Variants in CLOCK observed in about 807,000 individuals in gnomAD.
CLOCK encodes the protein clock circadian regulator.
CLOCK carries 43 observed loss-of-function variants against 118.4 expected under a neutral mutation model. That is an observed-to-expected ratio of 0.36 (90% CI 0.28 to 0.47). The LOEUF is 0.47. Ranked by LOEUF, CLOCK falls within the 20% of genes least tolerant of loss-of-function variation. The pLI is 1.00. For missense variants in CLOCK, 846 were observed against 999.9 expected (o/e 0.85, Z 2.08); for synonymous variants, 326 against 339.2 (o/e 0.96, Z 0.43).
intron 2 of CLOCK, among the ~76,000 whole-genome samples, chr4:55,490,631 C>T (rs940476739): frequency 1.1e-4 from 17 of 152,074 alleles, no homozygotes; most frequent in African/African-American, 4.1e-4. Context: ...AACCTATGTG[C>T]CTCCTCCCCT....
At chr4:55,467,048 T>C (rs1002873469) in intron 8 of CLOCK, among the ~76,000 whole-genome samples, 2 of 152,150 alleles carry the variant, frequency 1.3e-5, no homozygotes, top group Non-Finnish European at 2.9e-5. Flanking sequence ...CACATGGGAA[T>C]TCTCTGTACT....
chr4:55,545,872 A>G (rs1049060748), intron 1 of CLOCK: 2 of 152,282 alleles, frequency 1.3e-5, no homozygotes, highest in African/African-American at 4.8e-5. Context: ...TGGACGGAAG[A>G]AGAGAAACCG....
intron 18 of CLOCK, among the ~76,000 whole-genome samples, chr4:55,446,453 C>T (rs1723859217): frequency 6.6e-6 from 1 of 152,090 alleles, no homozygotes; most frequent in African/African-American, 2.4e-5. Flanking sequence ...CCCTAGAATG[C>T]CCTCTATGTG....
Position 55,443,809 on chromosome 4 carries a change from G to A in CLOCK, c.1780C>T (p.Pro594Ser). ...GNSSNIQQLA[P>S]INMQGQVVPT... ...ACAACTTGGCCTTGCATATTTATAG[G>A]TGCAAGTTGCTGGATATTAGATGAA... Residue 594 changes from proline to serine, a missense_variant, in exon 20 of 23, where the codon CCT becomes TCT. Physicochemically the swap from Pro to Ser is moderately conservative, Grantham distance 74 (BLOSUM62 -1). Coordinates refer to ENST00000513440, the MANE Select transcript of CLOCK (RefSeq NM_004898.4). 2.5e-6 allele frequency: 4 copies of A among 1,613,948 alleles called. No individual in the cohort carries two copies. Among genetic ancestry groups the A allele is most frequent in the Non-Finnish European group, 2.5e-6 (3 of 1,179,884 alleles).
intron 15 of CLOCK, 138 bp from the exon 16 acceptor site, chr4:55,450,370 A>G (rs962966035): frequency 1.0e-5 from 9 of 898,474 alleles, no homozygotes; most frequent in African/African-American, 6.7e-5. Context: ...ATACACATGT[A>G]AAGAAATGAA....
intron 9 of CLOCK, among the ~76,000 whole-genome samples, chr4:55,461,384 T>C (rs1560432423): frequency 6.6e-6 from 1 of 152,174 alleles, no homozygotes; most frequent in Non-Finnish European, 1.5e-5. Flanking sequence ...CTGCTCTTTC[T>C]AGGCCAGAGA....
chr4:55,458,487 C>A (rs917442831), intron 11 of CLOCK, among the ~76,000 whole-genome samples: 4 of 152,076 alleles, frequency 2.6e-5, no homozygotes, highest in Admixed American at 1.3e-4. Flanking sequence ...AAATAAAATA[C>A]CTAATTTTAC....
intron 1 of CLOCK, among the ~76,000 whole-genome samples, chr4:55,518,316 G>A (rs1729646423): frequency 6.6e-6 from 1 of 152,132 alleles, no homozygotes; most frequent in Non-Finnish European, 1.5e-5. Flanking sequence ...AGAGGAGAGA[G>A]GACGGGGAGA....
chr4:55,541,365 A>G (rs1418094918), intron 1 of CLOCK, among the ~76,000 whole-genome samples: 1 of 152,258 alleles, frequency 6.6e-6, no homozygotes, highest in Non-Finnish European at 1.5e-5. Context: ...CCAGAAAAGG[A>G]GAAAATGCAA....
In CLOCK at chr4:55,498,772, T is replaced by C. The variant is rs78050403; in HGVS notation, c.-135-9307A>G. Among the ~76,000 whole-genome samples, 1,498 of 152,204 alleles carry C rather than the reference T, an allele frequency of 9.8e-3. 10 individuals are homozygous for C. The highest frequency in any genetic ancestry group is 0.016 in the Non-Finnish European group (1,104 of 67,994). ...TGCATCACGTAAGTAGGAGTAAATA[T>C]AGGATAAATGAGGACGTGTAGGTAG... On this transcript the variant is annotated intron_variant, in intron 2 of 22. Transcript: ENST00000513440.
In CLOCK at chr4:55,455,932, T is replaced by C; in HGVS notation, c.947A>G (p.Asp316Gly). 1 of 1,613,754 alleles carries C rather than the reference T, an allele frequency of 6.2e-7. No individual in the cohort carries two copies. Reference protein sequence around the residue: ...GTSGYDYYHVDDLENLAKCHE... With the variant: ...GTSGYDYYHVGDLENLAKCHE... ...ACATTTTGCCAAATTTTCTAGGTCATCCACATGATAGTAATCATAGCCTGA... is the reference window on the plus strand; with the variant it reads ...ACATTTTGCCAAATTTTCTAGGTCACCCACATGATAGTAATCATAGCCTGA... The change falls in exon 13 of 23, where the codon GAT becomes GGT. Residue 316 changes from aspartate (D) to glycine (G), a missense_variant. Transcript: ENST00000513440.
At chr4:55,531,682 C>A (rs9998038) in intron 1 of CLOCK, among the ~76,000 whole-genome samples, 1 of 124,120 alleles carries the variant, frequency 8.1e-6, no homozygotes, top group Non-Finnish European at 1.6e-5. Context: ...TCCAGCCTGG[C>A]GACAGAGCAA....
intron 4 of CLOCK, among the ~76,000 whole-genome samples, 200 bp downstream of exon 4, chr4:55,482,539 T>C (rs1188060825): frequency 4.6e-5 from 7 of 152,206 alleles, no homozygotes; most frequent in Non-Finnish European, 1.5e-5. Context: ...ACAAGCCATA[T>C]GCTGCTGACT....
chr4:55,446,762 A>C (rs1229614638), intron 18 of CLOCK, among the ~76,000 whole-genome samples: 1 of 152,196 alleles, frequency 6.6e-6, no homozygotes, highest in Admixed American at 6.5e-5. Context: ...ATGAATTTTC[A>C]GTATATGATA....
At chr4:55,464,161 T>G (rs1379216745) in intron 8 of CLOCK, among the ~76,000 whole-genome samples, 1 of 152,192 alleles carries the variant, frequency 6.6e-6, no homozygotes, top group South Asian at 2.1e-4. Context: ...TGGTGGTATA[T>G]CCTACTATAA....
At chr4:55,519,723 AG>A (rs1258586634) in intron 1 of CLOCK, among the ~76,000 whole-genome samples, 1 of 152,170 alleles carries the variant, frequency 6.6e-6, no homozygotes, top group African/African-American at 2.4e-5. Context: ...GACCGCAGTG[AG>A]CCGAGATTGG....
At chr4:55,538,651 A>G (rs761051748) in intron 1 of CLOCK, among the ~76,000 whole-genome samples, 1 of 152,226 alleles carries the variant, frequency 6.6e-6, no homozygotes, top group Non-Finnish European at 1.5e-5. Flanking sequence ...AGAACTTTCC[A>G]AAACTAAAAG....
chr4:55,499,277 T>A (rs972575142), intron 2 of CLOCK, among the ~76,000 whole-genome samples: 1 of 152,188 alleles, frequency 6.6e-6, no homozygotes, highest in East Asian at 1.9e-4. Flanking sequence ...TATTAAGTTA[T>A]GAGATTCTAG....
At chr4:55,504,464 T>G (rs1038742114) in intron 2 of CLOCK, among the ~76,000 whole-genome samples, 1 of 152,080 alleles carries the variant, frequency 6.6e-6, no homozygotes, top group Non-Finnish European at 1.5e-5. Flanking sequence ...ATGCTCAAAA[T>G]TGTATTAATA....
Sources: gnomAD v4.1 joint callset for allele counts (sites outside exome capture counted in the v4.1 genomes callset) on GRCh38, gnomAD v4.1.1 for gene constraint, MANE v1.5 for transcripts, NCBI Gene and HGNC (gene_info 2026-07-23, HGNC 2026-07-21) for gene names.